Variants in SLC4A8 observed in about 807,000 individuals in gnomAD.
SLC4A8 encodes electroneutral sodium bicarbonate exchanger 1.
SLC4A8 carries 40 observed loss-of-function variants against 125.0 expected under a neutral mutation model. The observed-to-expected ratio is 0.32, with a 90% CI of 0.25 to 0.42. The LOEUF is 0.42. Ranked by LOEUF, SLC4A8 falls within the 10% of genes least tolerant of loss-of-function variation. SLC4A8 has a pLI of 1.00. For missense variants in SLC4A8, 863 were observed against 1,355.1 expected (o/e 0.64, Z 5.70); for synonymous variants, 456 against 476.0 (o/e 0.96, Z 0.55).
chr12:51,497,111 C>T lies in SLC4A8; in HGVS notation c.3068C>T (p.Ala1023Val). 6.2e-7 allele frequency: 1 copy of T among 1,613,294 alleles called. No individual in the cohort carries two copies. The highest frequency in any genetic ancestry group is 8.5e-7 in the Non-Finnish European group (1 of 1,179,844). ...AAGTTGGATGATGCCAAAAAGAAGG[C>T]CAAGGAGGAAGAGGTCATAGTCCTT... ...KKKLDDAKKKAKEEEEAEKML... is the reference protein window; with the variant it reads ...KKKLDDAKKKVKEEEEAEKML... The change falls in exon 22 of 25, where the codon GCC becomes GTC. Residue 1023 changes from alanine to valine, a missense_variant. Coordinates refer to ENST00000453097, the MANE Select transcript of SLC4A8 (RefSeq NM_001039960.3).
At chr12:51,433,630 GATACTATC>G (rs1363252753) in intron 1 of SLC4A8, among the ~76,000 whole-genome samples, 1 of 152,092 alleles carries the variant, frequency 6.6e-6, no homozygotes, top group Non-Finnish European at 1.5e-5. Context: ...ATAAATAAAT[GATACTATC>G]AGAGGAAATA....
At chr12:51,440,671 T>C (rs1685837095) in intron 1 of SLC4A8, 37 bp from the exon 2 acceptor site, 2 of 1,497,438 alleles carry the variant, frequency 1.3e-6, no homozygotes, top group African/African-American at 2.8e-5. Context: ...GAACGAGGTA[T>C]GTGTATTACT....
chr12:51,464,524 A>T (rs1391666440), intron 11 of SLC4A8, among the ~76,000 whole-genome samples: 1 of 152,188 alleles, frequency 6.6e-6, no homozygotes, highest in Non-Finnish European at 1.5e-5. Flanking sequence ...TCCCTAGGTC[A>T]GAAGGTGGTA....
intron 16 of SLC4A8, chr12:51,479,969 ATTTT>A (rs202064260): frequency 2.5e-3 from 747 of 301,554 alleles, no homozygotes; most frequent in South Asian, 4.6e-3. Flanking sequence ...TATAAATGGA[ATTTT>A]TTTTTTTTTT....
At chr12:51,425,503 G>A (rs1948941056) in intron 1 of SLC4A8, 1 of 886,394 alleles carries the variant, frequency 1.1e-6, no homozygotes. Context: ...GACTCTGGAG[G>A]CTGGGACCAA....
chr12:51,488,335 A>G (rs1335264455), intron 17 of SLC4A8, among the ~76,000 whole-genome samples: 1 of 152,182 alleles, frequency 6.6e-6, no homozygotes, highest in African/African-American at 2.4e-5. Context: ...ATTCTGGGAT[A>G]GTAGGTTATT....
intron 14 of SLC4A8, among the ~76,000 whole-genome samples, chr12:51,473,811 G>A (rs957270462): frequency 2.0e-5 from 3 of 152,156 alleles, no homozygotes; most frequent in Non-Finnish European, 4.4e-5. Context: ...CCAAGGTAGT[G>A]GGGTATTACC....
intron 1 of SLC4A8, among the ~76,000 whole-genome samples, chr12:51,398,559 A>G (rs1486928850): frequency 2.0e-5 from 3 of 152,210 alleles, no homozygotes; most frequent in Non-Finnish European, 4.4e-5. Context: ...CTTATTTAAT[A>G]TCTCTCTTTA....
Position 51,449,640 on chromosome 12 carries a change from C to T in SLC4A8, c.131-1236C>T, listed in dbSNP as rs189209681. Among the ~76,000 whole-genome samples, 69 of 152,120 alleles carry T rather than the reference C, an allele frequency of 4.5e-4. 1 individual carries two copies. The highest frequency in any genetic ancestry group is 1.6e-3 in the African/African-American group (65 of 41,488). ...AGGCATGGTGCATTGGGCATGGGAG[C>T]ATCAGCAGCCCCAAATTCTGGGCTC... On this transcript the variant is annotated intron_variant, in intron 2 of 24. Coordinates refer to ENST00000453097, the MANE Select transcript of SLC4A8 (RefSeq NM_001039960.3).
intron 16 of SLC4A8, among the ~76,000 whole-genome samples, chr12:51,477,472 T>C (rs1950889506): frequency 6.6e-6 from 1 of 152,242 alleles, no homozygotes; most frequent in Non-Finnish European, 1.5e-5. Context: ...CTGTCAAGAA[T>C]TCACTTGGGT....
chr12:51,450,924 G>A lies in SLC4A8; in HGVS notation c.179G>A (p.Ser60Asn), dbSNP rs1949944330. ...VGVRMPLGRQ[S>N]HRHHRTHGQK... The stretch of plus-strand genomic sequence containing the variant: ...GTTCGGATGCCGCTTGGCCGGCAGA[G>A]CCATCGGCATCACCGCACTCATGGC... Residue 60 changes from serine (S) to asparagine (N), a missense_variant, in exon 3 of 25, where the codon AGC (serine) becomes AAC (asparagine). By Grantham distance (46) the Ser-to-Asn change is conservative. Around this residue, in one of 6 missense-constraint regions of SLC4A8, gnomAD observed 104 missense variants for 116.4 expected, o/e 0.89. Coordinates refer to ENST00000453097, the MANE Select transcript of SLC4A8 (RefSeq NM_001039960.3). 6.2e-7 allele frequency: 1 copy of A among 1,611,596 alleles called. No individual in the cohort carries two copies. Among genetic ancestry groups the A allele is most frequent in the Non-Finnish European group, 8.5e-7 (1 of 1,178,694 alleles).
intron 22 of SLC4A8, among the ~76,000 whole-genome samples, chr12:51,502,895 G>A (rs191332327): frequency 5.5e-4 from 82 of 148,296 alleles, no homozygotes; most frequent in African/African-American, 2.0e-3. Context: ...AGGCTGGAGT[G>A]CAGTGGCGCC....
At chr12:51,427,451 G>C (rs1314346946) in intron 1 of SLC4A8, among the ~76,000 whole-genome samples, 2 of 152,102 alleles carry the variant, frequency 1.3e-5, no homozygotes, top group African/African-American at 4.8e-5. Flanking sequence ...TCTAGTTTGT[G>C]AAACTTTCTT....
rs200725738 is a variant in SLC4A8 at position 51,474,400 on chromosome 12, C to A, written c.1963C>A (p.His655Asn). ...NNHTLQYWKD[H>N]NIVTAEVHWA... is the part of the protein sequence containing the mutation. ...TCACACCCTCCAGTACTGGAAGGAC[C>A]ACAACATCGTGACAGCAGAAGTCCA... Residue 655 changes from histidine (H) to asparagine (N), a missense_variant, in exon 15 of 25, where the codon CAC becomes AAC. Physicochemically the swap from His to Asn is moderately conservative, Grantham distance 68. Around this residue, in one of 6 missense-constraint regions of SLC4A8, gnomAD observed 76 missense variants for 80.2 expected, o/e 0.95. Coordinates refer to ENST00000453097, the MANE Select transcript of SLC4A8 (RefSeq NM_001039960.3). 6.6e-5 allele frequency: 106 copies of A among 1,613,586 alleles called. No homozygotes were observed. Among genetic ancestry groups the A allele is most frequent in the Non-Finnish European group, 8.3e-5 (98 of 1,179,596 alleles).
Position 51,426,995 on chromosome 12 carries a change from G to T in SLC4A8, c.48+1960G>T, listed in dbSNP as rs543490714. Among the ~76,000 whole-genome samples the T allele has an allele frequency of 3.4e-5, 5 of 147,718 alleles. No homozygotes were observed. In the South Asian group the frequency reaches 1.1e-3, roughly 31 times the overall value. ...GCTCTGTCGCCCAGGCTGGAGTGCA[G>T]TGGTGCGATCTCCACTCACTACAAG... On this transcript the variant is annotated intron_variant, in intron 1 of 24. Transcript: ENST00000453097.
chr12:51,432,170 A>G (rs912049590), intron 1 of SLC4A8, among the ~76,000 whole-genome samples: 54 of 152,108 alleles, frequency 3.6e-4, no homozygotes, highest in African/African-American at 1.2e-3. Flanking sequence ...GCACTTTGGG[A>G]GGCCGAGGTG....
At position 51,514,848 on chromosome 12, in the gene SLC4A8, G is replaced by C. The variant is rs1810882141; in HGVS notation, c.*7410G>C. On this transcript the variant is annotated 3_prime_UTR_variant, in exon 25 of 25. Coordinates refer to ENST00000453097, the MANE Select transcript of SLC4A8 (RefSeq NM_001039960.3). ...TATTACTGCTTGAAGTGTGAAAAGA[G>C]GAAAGGAGTGTTATGTGAACCTTTT... 2 of 152,160 alleles carry C rather than the reference G, an allele frequency of 1.3e-5. No individual in the cohort carries two copies. The highest frequency in any genetic ancestry group is 4.8e-5 in the African/African-American group (2 of 41,428). The allele number at this position is 152,160 out of a possible 1,614,324, so 9.4% of individuals were successfully genotyped here.
chr12:51,483,133 T>G (rs1041187708), intron 16 of SLC4A8, among the ~76,000 whole-genome samples: 7 of 152,148 alleles, frequency 4.6e-5, no homozygotes, highest in African/African-American at 1.7e-4. Context: ...GTGTGCTGCT[T>G]CTCTCGGCCT....
At chr12:51,394,177 C>G (rs531352420) in intron 1 of SLC4A8, among the ~76,000 whole-genome samples, 1 of 152,332 alleles carries the variant, frequency 6.6e-6, no homozygotes, top group South Asian at 2.1e-4. Flanking sequence ...GCCATTACCC[C>G]CAGCCTGGTG....
Sources: allele counts gnomAD v4.1 joint callset (sites outside exome capture counted in the v4.1 genomes callset), GRCh38; gene constraint gnomAD v4.1.1; regional missense constraint gnomAD v4.1.1; transcripts MANE v1.5; gene names NCBI Gene and HGNC (gene_info 2026-07-23, HGNC 2026-07-21).